Variants in SURF4 observed in about 807,000 individuals in gnomAD.
SURF4 encodes the protein surfeit 4, also known as surfeit locus protein 4.
In SURF4, 3 loss-of-function variants were observed where a neutral mutation model predicts 30.0. The observed-to-expected ratio is 0.10, with a 90% CI of 0.05 to 0.26. The LOEUF (loss-of-function observed/expected upper bound fraction) is 0.26. SURF4 is among the 10% of genes least tolerant of loss of function. The probability of loss-of-function intolerance (pLI) is 1.00; values close to 1 mark genes in which losing one functional copy is unlikely to be tolerated. For synonymous variants in SURF4, 143 were observed against 139.9 expected (o/e 1.02, Z -0.16); for missense variants, 217 against 350.8 (o/e 0.62, Z 3.05).
At chr9:133,366,479 C>T (rs1837180082) in intron 3 of SURF4, 120 bp downstream of exon 3, 1 of 1,100,522 alleles carries the variant, frequency 9.1e-7, no homozygotes, top group Non-Finnish European at 1.3e-6. Flanking sequence ...GAGCTCCAGG[C>T]AGTCAGAGAC....
upstream of SURF4, among the ~76,000 whole-genome samples, chr9:133,377,002 A>G (rs886335737): frequency 2.0e-5 from 3 of 152,218 alleles, no homozygotes; most frequent in East Asian, 3.8e-4. Flanking sequence ...ATAAAAGTAA[A>G]TGTTTAATTA....
At chr9:133,367,914 G>T (rs1056055835) in intron 1 of SURF4, among the ~76,000 whole-genome samples, 13 of 152,242 alleles carry the variant, frequency 8.5e-5, no homozygotes, top group Non-Finnish European at 4.4e-5. Context: ...CAGCACTACT[G>T]GCATCTGAGG....
chr9:133,376,687 C>A, upstream of SURF4: 1 of 793,914 alleles, frequency 1.3e-6, no homozygotes. Context: ...CGGCCTGCAG[C>A]TCCTAGGTTG....
intron 1 of SURF4, among the ~76,000 whole-genome samples, chr9:133,373,777 G>A (rs1837655539): frequency 6.6e-6 from 1 of 151,484 alleles, no homozygotes; most frequent in South Asian, 2.1e-4. Context: ...AAAATTAGCT[G>A]GGCGTGGTGG....
intron 1 of SURF4, among the ~76,000 whole-genome samples, chr9:133,371,620 C>T (rs2130190932): frequency 2.0e-5 from 3 of 152,238 alleles, no homozygotes; most frequent in Non-Finnish European, 2.9e-5. Context: ...TTTAACCTCC[C>T]GTTAAGATCA....
At chr9:133,372,507 T>C (rs1837563632) in intron 1 of SURF4, 3 of 799,644 alleles carry the variant, frequency 3.8e-6, no homozygotes, top group South Asian at 1.1e-4. Flanking sequence ...GGAATGTCTA[T>C]CATGGACCCG....
At chr9:133,364,584 C>G (rs2130104677) in intron 5 of SURF4, among the ~76,000 whole-genome samples, 3 of 151,196 alleles carry the variant, frequency 2.0e-5, no homozygotes, top group African/African-American at 7.3e-5. Context: ...CCCAGCTGCT[C>G]GGGAGGCTGA....
chr9:133,373,966 G>A (rs1171014440), intron 1 of SURF4, among the ~76,000 whole-genome samples: 1 of 147,904 alleles, frequency 6.8e-6, no homozygotes, highest in Non-Finnish European at 1.5e-5. Flanking sequence ...AAGACACTGG[G>A]AACTTTTTTT....
At position 133,363,912 on chromosome 9, in the gene SURF4, A is replaced by G; in HGVS notation, c.544-153T>C. 4.1e-6 allele frequency: 4 copies of G among 973,408 alleles called. No homozygotes were observed. The highest frequency in any genetic ancestry group is 4.8e-6 in the Non-Finnish European group (3 of 618,888). The allele number at this position is 973,408 out of a possible 1,614,324, so 60.3% of individuals were successfully genotyped here. A position where few individuals can be genotyped will look rare whatever the true frequency, so the allele number is the denominator to read the frequency against. ...CGGCTGCTGGTGCAAGTAGGGAGAT[A>G]AAAGCCAAAGGGAGGCAGGAGGCAA... On this transcript the variant is annotated intron_variant, in intron 5 of 5. Transcript: ENST00000371989. The surrounding 1 kb of genome is among the most constrained non-coding windows in gnomAD (Gnocchi z 4.3).
chr9:133,377,773 C>G (rs1005934547), upstream of SURF4, among the ~76,000 whole-genome samples: 2 of 152,084 alleles, frequency 1.3e-5, no homozygotes, highest in African/African-American at 4.8e-5. Flanking sequence ...TGGGATGATT[C>G]AAGCACATTA....
upstream of SURF4, chr9:133,376,327 G>C: frequency 7.3e-6 from 10 of 1,367,400 alleles, no homozygotes; most frequent in Non-Finnish European, 9.4e-6. Flanking sequence ...AGGGGGCGGG[G>C]ACCTGGGGGT....
rs1837078945 is a variant in SURF4, at chr9:133,364,942, G to A, written c.441C>T (p.Thr147=). 1 of 1,613,662 alleles carries A rather than the reference G, an allele frequency of 6.2e-7. No homozygotes were observed. The highest frequency in any genetic ancestry group is 8.5e-7 in the Non-Finnish European group (1 of 1,179,748). ...EGKSMFAGVP[T]MRESSPKQYM... is the part of the protein sequence containing the mutation. ...ACTGTTTGGGGGAGCTCTCACGCAT[G>A]GTGGGGACGCCCGCAAACATGCTCT... Residue 147 remains threonine, a synonymous_variant, in exon 5 of 6, where the codon ACC becomes ACT. Transcript: ENST00000371989.
At chr9:133,373,718 A>G (rs2130212171) in intron 1 of SURF4, among the ~76,000 whole-genome samples, 151,565 of 151,934 alleles carry the variant, frequency 1, 75,600 homozygotes, top group East Asian at 1. Flanking sequence ...GGGAGTTCGA[A>G]ACCAGCCTGG....
intron 1 of SURF4, among the ~76,000 whole-genome samples, chr9:133,375,025 C>A (rs1489957172): frequency 6.6e-6 from 1 of 152,202 alleles, no homozygotes; most frequent in South Asian, 2.1e-4. Context: ...GTCGACATAA[C>A]GGGATTCTTT....
Position 133,375,947 on chromosome 9 carries a change from C to T in SURF4, c.23G>A (p.Gly8Asp). The part of the protein sequence containing the change: MGQNDLM[G>D]TAEDFADQFL... ...CTGGTCGGCGAAGTCCTCGGCCGTG[C>T]CCATCAGGTCGTTCTGGCCCATGGC... Residue 8 changes from glycine (G) to aspartate (D), a missense_variant, in exon 1 of 6, where the codon GGC (glycine) becomes GAC (aspartate). By Grantham distance (94) the Gly-to-Asp change is moderately conservative (BLOSUM62 -1). Coordinates refer to ENST00000371989, the MANE Select transcript of SURF4 (RefSeq NM_033161.4). 8.1e-7 allele frequency: 1 copy of T among 1,234,018 alleles called. No homozygotes were observed. 76.4% of individuals were successfully genotyped at this position (1,234,018 alleles called of 1,614,324 possible). A position where few individuals can be genotyped will look rare whatever the true frequency, so the allele number is the denominator to read the frequency against.
intron 1 of SURF4, chr9:133,372,607 CCACACTTT>C: frequency 2.0e-6 from 2 of 985,454 alleles, no homozygotes; most frequent in Non-Finnish European, 2.4e-6. Flanking sequence ...TTTCAGCAGC[CCACACTTT>C]CTGGTCAAAT....
At chr9:133,377,293 T>C (rs1297243828), upstream of SURF4, among the ~76,000 whole-genome samples, 2 of 151,994 alleles carry the variant, frequency 1.3e-5, no homozygotes, top group Non-Finnish European at 2.9e-5. Context: ...GAGATACGGC[T>C]CCATTTTACT....
At chr9:133,367,622 C>T (rs587625446) in intron 1 of SURF4, 177 bp from the exon 2 acceptor site, 11 of 1,469,742 alleles carry the variant, frequency 7.5e-6, no homozygotes, top group Non-Finnish European at 9.9e-6. Flanking sequence ...TGCTCCTGAG[C>T]GCTACCCTGT....
At chr9:133,368,893 G>A (rs2130164105) in intron 1 of SURF4, among the ~76,000 whole-genome samples, 3 of 152,348 alleles carry the variant, frequency 2.0e-5, no homozygotes, top group Admixed American at 6.5e-5. Context: ...AAGAGCACCC[G>A]AGAGGCTGAC....
Sources: gnomAD v4.1 joint callset for allele counts (sites outside exome capture counted in the v4.1 genomes callset) on GRCh38, gnomAD v4.1.1 for gene constraint, Gnocchi (gnomAD v3.1) non-coding constraint, MANE v1.5 for transcripts, NCBI Gene and HGNC (gene_info 2026-07-23, HGNC 2026-07-21) for gene names.